Variants in NEFM observed in about 807,000 individuals in gnomAD.
The protein encoded by NEFM is neurofilament medium polypeptide.
NEFM carries 16 observed loss-of-function variants against 48.1 expected under a neutral mutation model. That is an observed-to-expected ratio of 0.33 (90% CI 0.23 to 0.51). The LOEUF (loss-of-function observed/expected upper bound fraction) is 0.51, where lower values mean the gene tolerates loss of function less well. Among genes scored for constraint, NEFM ranks in the 20% least tolerant of loss-of-function variants. The pLI is 0.98. For missense variants in NEFM, 1,107 were observed against 1,136.0 expected, an observed-to-expected ratio of 0.97 and a Z score of 0.37; for synonymous variants, 465 against 456.9, an observed-to-expected ratio of 1.02 and a Z score of -0.23.
intron 1 of NEFM, 199 bp downstream of exon 1, chr8:24,915,072 C>T (rs1000436906): frequency 1.7e-5 from 24 of 1,378,676 alleles, no homozygotes; most frequent in Non-Finnish European, 2.1e-5. Flanking sequence ...CACCCACCTG[C>T]CCCAGCTGCT....
intron 2 of NEFM, 43 bp downstream of exon 2, chr8:24,915,772 T>A (rs747541164): frequency 1.2e-6 from 2 of 1,613,600 alleles, no homozygotes; most frequent in South Asian, 2.2e-5. Flanking sequence ...CTAACCGCAG[T>A]GCAGAGGCTG....
In NEFM at chr8:24,913,822, A is replaced by G. The variant is rs747956597; in HGVS notation, c.29A>G (p.Asn10Ser). The G allele has an allele frequency of 6.2e-7, 1 of 1,610,686 alleles. No homozygotes were observed. Among genetic ancestry groups the G allele is most frequent in the South Asian group, 1.1e-5 (1 of 90,836 alleles). The change falls in exon 1 of 3, where the codon AAC (asparagine) becomes AGC (serine). Residue 10 changes from asparagine (N) to serine (S), a missense_variant. Physicochemically the swap from Asn to Ser is conservative, Grantham distance 46. Around this residue, in one of 3 missense-constraint regions of NEFM, gnomAD observed 186 missense variants for 200.6 expected, o/e 0.93. Transcript: ENST00000221166. MSYTLDSLG[N>S]PSAYRRVTET... ...AGCTACACGTTGGACTCGCTGGGCAACCCGTCCGCCTACCGGCGGGTAACC... is the reference window on the plus strand; with the variant it reads ...AGCTACACGTTGGACTCGCTGGGCAGCCCGTCCGCCTACCGGCGGGTAACC...
intron 1 of NEFM, chr8:24,915,168 C>T (rs2117220865): frequency 1.5e-6 from 2 of 1,322,276 alleles, no homozygotes; most frequent in Non-Finnish European, 1.9e-6. Flanking sequence ...GGGATGAATT[C>T]GGTAGTGGAT....
At position 24,917,500 on chromosome 8, in the gene NEFM, G is replaced by A. The variant is rs757795369; in HGVS notation, c.1645G>A (p.Glu549Lys). The A allele has an allele frequency of 2.4e-5, 38 of 1,554,842 alleles. No homozygotes were observed. The highest frequency in any genetic ancestry group is 7.3e-5 in the East Asian group (3 of 41,082). Residue 549 changes from glutamate (E) to lysine (K), a missense_variant, in exon 3 of 3, where the codon GAA becomes AAA. Physicochemically the swap from Glu to Lys is moderately conservative, Grantham distance 56. This residue lies in a region of NEFM where 917 missense variants were observed against 916.4 expected (regional missense o/e 1.00). Transcript: ENST00000221166. The stretch of plus-strand genomic sequence containing the variant: ...TGAGGGAGCTAAGTCAGACCAAGCC[G>A]AAGAGGGAGGATCCGAGAAGGAAGG... ...EDEGAKSDQA[E>K]EGGSEKEGSS...
rs867278983 is a variant in NEFM at position 24,914,832 on chromosome 8, G to A, written c.1039G>A (p.Asp347Asn). The A allele has an allele frequency of 1.3e-6, 2 of 1,598,432 alleles. No homozygotes were observed. Among genetic ancestry groups the A allele is most frequent in the African/African-American group, 1.3e-5 (1 of 74,706 alleles). The stretch of plus-strand genomic sequence containing the variant: ...GGAGTCCCTGGAGCGGCAGCTCAGC[G>A]ACATCGAGGAGCGCCACAACCACGA... ...TKESLERQLS[D>N]IEERHNHDLS... Residue 347 changes from aspartate to asparagine, a missense_variant, in exon 1 of 3, where the codon GAC (aspartate) becomes AAC (asparagine). Asp to Asn is a conservative substitution (Grantham distance 23). Coordinates refer to ENST00000221166, the MANE Select transcript of NEFM (RefSeq NM_005382.2).
Position 24,913,842 on chromosome 8 carries a change from G to A in NEFM, c.49G>A (p.Val17Ile). ...SLGNPSAYRR[V>I]TETRSSFSRV... Reference sequence around the variant, plus strand: ...GGGCAACCCGTCCGCCTACCGGCGGGTAACCGAGACCCGCTCGAGCTTCAG... The same window carrying A: ...GGGCAACCCGTCCGCCTACCGGCGGATAACCGAGACCCGCTCGAGCTTCAG... Residue 17 changes from valine (V) to isoleucine (I), a missense_variant, in exon 1 of 3, where the codon GTA becomes ATA. Physicochemically the swap from Val to Ile is conservative, Grantham distance 29. Coordinates refer to ENST00000221166, the MANE Select transcript of NEFM (RefSeq NM_005382.2). 1.2e-6 allele frequency: 2 copies of A among 1,606,348 alleles called. No individual in the cohort carries two copies. Among genetic ancestry groups the A allele is most frequent in the Non-Finnish European group, 1.7e-6 (2 of 1,177,078 alleles).
In NEFM at chr8:24,914,348, C is replaced by T. The variant is rs1185497982; in HGVS notation, c.555C>T (p.Leu185=). ...SDHLEEDIHR[L]KERFEEEARL... is the part of the protein sequence containing the mutation. ...ACCTGGAGGAAGACATCCACCGGCTCAAGGAGCGCTTTGAGGAGGAGGCGC... is the reference window on the plus strand; with the variant it reads ...ACCTGGAGGAAGACATCCACCGGCTTAAGGAGCGCTTTGAGGAGGAGGCGC... Residue 185 remains leucine, a synonymous_variant, in exon 1 of 3, where the codon CTC becomes CTT. Coordinates refer to ENST00000221166, the MANE Select transcript of NEFM (RefSeq NM_005382.2). The T allele has an allele frequency of 6.2e-7, 1 of 1,613,656 alleles. No individual in the cohort carries two copies. Among genetic ancestry groups the T allele is most frequent in the South Asian group, 1.1e-5 (1 of 91,072 alleles).
At chr8:24,916,199 T>C (rs1802570352) in intron 2 of NEFM, among the ~76,000 whole-genome samples, 1 of 152,190 alleles carries the variant, frequency 6.6e-6, no homozygotes, top group Admixed American at 6.5e-5. Context: ...TGATAGAATA[T>C]AGATATAGTT....
Position 24,913,859 on chromosome 8 carries a change from GAGCTTCAGCCGCGTCAGC to G in NEFM, c.67_84del (p.Ser23_Ser28del). ...ACCGGCGGGTAACCGAGACCCGCTC[GAGCTTCAGCCGCGTCAGC>G]GGCTCCCCGTCCAGTGGCTTCCGCT... On this transcript the variant is annotated inframe_deletion, in exon 1 of 3. Coordinates refer to ENST00000221166, the MANE Select transcript of NEFM (RefSeq NM_005382.2). 6.2e-7 allele frequency: 1 copy of G among 1,608,738 alleles called. No homozygotes were observed. The highest frequency in any genetic ancestry group is 8.5e-7 in the Non-Finnish European group (1 of 1,178,320).
chr8:24,915,749 C>A lies in NEFM; in HGVS notation c.1205+20C>A. 1 of 1,613,836 alleles carries A rather than the reference C, an allele frequency of 6.2e-7. No homozygotes were observed. On this transcript the variant is annotated intron_variant, in intron 2 of 2. Transcript: ENST00000221166. ...GTACAGGTACGATGCTTACTACGTG[C>A]GTGGCCGGAACACTAACCGCAGTGC...
In NEFM at chr8:24,914,049, G is replaced by A. The variant is rs752257011; in HGVS notation, c.256G>A (p.Gly86Ser). ...DFSQSSSLLN[G>S]GSGPGGDYKL... ...CAGCCAGTCCTCGTCCCTGCTCAAC[G>A]GCGGCTCCGGACCCGGCGGCGACTA... is the stretch of plus-strand genomic sequence containing the variant. The change falls in exon 1 of 3, where the codon GGC becomes AGC. Residue 86 changes from glycine (G) to serine (S), a missense_variant. Physicochemically the swap from Gly to Ser is moderately conservative, Grantham distance 56. Coordinates refer to ENST00000221166, the MANE Select transcript of NEFM (RefSeq NM_005382.2). 4.3e-6 allele frequency: 7 copies of A among 1,612,628 alleles called. No homozygotes were observed. The highest frequency in any genetic ancestry group is 1.6e-4 in the Middle Eastern group (1 of 6,082).
intron 2 of NEFM, among the ~76,000 whole-genome samples, chr8:24,916,848 C>T (rs146761708): frequency 6.6e-6 from 1 of 152,308 alleles, no homozygotes; most frequent in African/African-American, 2.4e-5. Context: ...TAGGGGGCAA[C>T]TGTCTGGCAG....
chr8:24,919,081 T>C lies in NEFM; in HGVS notation c.*475T>C, dbSNP rs1008083657. ...AGCAGTACTTGCTCAATAAAGGTCA[T>C]ATTGGAAACATAGTCAATTGCTGAG... On this transcript the variant is annotated 3_prime_UTR_variant, in exon 3 of 3. Coordinates refer to ENST00000221166, the MANE Select transcript of NEFM (RefSeq NM_005382.2). 1.2e-5 allele frequency: 2 copies of C among 160,306 alleles called. No homozygotes were observed. Among genetic ancestry groups the C allele is most frequent in the African/African-American group, 4.8e-5 (2 of 41,624 alleles). The allele number at this position is 160,306 out of a possible 1,614,324, so 9.9% of individuals were successfully genotyped here. A position where few individuals can be genotyped will look rare whatever the true frequency, so the allele number is the denominator to read the frequency against.
chr8:24,915,657 CT>C lies in NEFM; in HGVS notation c.1134del (p.Arg379ValfsTer18). 6.2e-7 allele frequency: 1 copy of C among 1,614,080 alleles called. No homozygotes were observed. Among genetic ancestry groups the C allele is most frequent in the Non-Finnish European group, 8.5e-7 (1 of 1,180,004 alleles). ...NELRGTKWEM[A>X]RHLREYQDLL... ...CTTCGGGGCACAAAGTGGGAAATGG[CT>C]CGTCATTTGCGCGAATACCAGGACC... is the stretch of plus-strand genomic sequence containing the variant. On this transcript the variant is annotated frameshift_variant, in exon 2 of 3. Coordinates refer to ENST00000221166, the MANE Select transcript of NEFM (RefSeq NM_005382.2). LOFTEE classifies it high-confidence loss of function.
At chr8:24,915,401 A>C (rs1433190632) in intron 1 of NEFM, 1 of 1,052,804 alleles carries the variant, frequency 9.5e-7, no homozygotes, top group African/African-American at 1.6e-5. Flanking sequence ...CTATTGTCTT[A>C]CTGATCTTGT....
At position 24,915,586 on chromosome 8, in the gene NEFM, TTC is replaced by T. The variant is rs751655016; in HGVS notation, c.1081-15_1081-14del. On this transcript the variant is annotated splice_polypyrimidine_tract_variant and intron_variant, in intron 1 of 2. Coordinates refer to ENST00000221166, the MANE Select transcript of NEFM (RefSeq NM_005382.2). The stretch of plus-strand genomic sequence containing the variant: ...GTTTGCAAGGATGAGTCTGGGGAGA[TTC>T]TCTGTGTCTGTTTCAGGACACCATC... The T allele has an allele frequency of 1.9e-6, 3 of 1,613,808 alleles. No homozygotes were observed. The highest frequency in any genetic ancestry group is 3.3e-5 in the Admixed American group (2 of 60,000).
Position 24,917,243 on chromosome 8 carries a change from A to T in NEFM, c.1388A>T (p.Glu463Val). ...GAGATCATAGAGGAAACCAAAGTGG[A>T]GGATGAGAAGTCAGAAATGGAAGAG... is the stretch of plus-strand genomic sequence containing the variant. ...VEEIIEETKV[E>V]DEKSEMEEAL... The change falls in exon 3 of 3, where the codon GAG becomes GTG. Residue 463 changes from glutamate (E) to valine (V), a missense_variant. This residue lies in a region of NEFM where 917 missense variants were observed against 916.4 expected (regional missense o/e 1.00). Transcript: ENST00000221166. 2 of 1,614,180 alleles carry T rather than the reference A, an allele frequency of 1.2e-6. No homozygotes were observed. The highest frequency in any genetic ancestry group is 1.1e-5 in the South Asian group (1 of 91,076).
rs59419000 is a variant in NEFM, at chr8:24,915,628, T to A, written c.1104T>A (p.Asn368Lys). ...AGGACACCATCCAGCAGCTGGAAAA[T>A]GAGCTTCGGGGCACAAAGTGGGAAA... ...SYQDTIQQLE[N>K]ELRGTKWEMA... The change falls in exon 2 of 3, where the codon AAT (asparagine) becomes AAA (lysine). Residue 368 changes from asparagine to lysine, a missense_variant. Physicochemically the swap from Asn to Lys is moderately conservative, Grantham distance 94. Coordinates refer to ENST00000221166, the MANE Select transcript of NEFM (RefSeq NM_005382.2). The A allele has an allele frequency of 6.2e-7, 1 of 1,613,838 alleles. No homozygotes were observed.
chr8:24,917,616 A>G lies in NEFM; in HGVS notation c.1761A>G (p.Lys587=), dbSNP rs1586109439. The part of the protein sequence containing the change: ...GEEAEAKEEK[K]VEEKSEEVAT... The stretch of plus-strand genomic sequence containing the variant: ...AAGCCGAAGCTAAAGAGGAAAAGAA[A>G]GTGGAGGAAAAGAGTGAGGAAGTGG... The change falls in exon 3 of 3, where the codon AAA becomes AAG. Residue 587 remains lysine, a synonymous_variant. Transcript: ENST00000221166. 1 of 1,612,368 alleles carries G rather than the reference A, an allele frequency of 6.2e-7. No individual in the cohort carries two copies. The highest frequency in any genetic ancestry group is 8.5e-7 in the Non-Finnish European group (1 of 1,179,440).
Sources: gnomAD v4.1 joint callset for allele counts (sites outside exome capture counted in the v4.1 genomes callset) on GRCh38, gnomAD v4.1.1 for gene constraint, gnomAD v4.1.1 regional missense constraint, MANE v1.5 for transcripts, NCBI Gene and HGNC (gene_info 2026-07-23, HGNC 2026-07-21) for gene names.